ACTN1: variants seen among roughly 807,000 people sequenced by gnomAD.
The protein encoded by ACTN1 is actinin alpha 1, also known as alpha-actinin-1.
In ACTN1, 30 loss-of-function variants were observed where a neutral mutation model predicts 119.6. The observed-to-expected ratio is 0.25, with a 90% CI of 0.19 to 0.34. The LOEUF (loss-of-function observed/expected upper bound fraction) is 0.34, where lower values mean the gene tolerates loss of function less well. Among genes scored for constraint, ACTN1 ranks in the 10% least tolerant of loss-of-function variants. ACTN1 has a pLI of 1.00. For missense variants in ACTN1, 764 were observed against 1,223.4 expected (o/e 0.62, Z 5.60); for synonymous variants, 429 against 472.6 (o/e 0.91, Z 1.20).
intron 1 of ACTN1, among the ~76,000 whole-genome samples, chr14:68,932,849 A>G (rs2035289263): frequency 6.6e-6 from 1 of 152,156 alleles, no homozygotes; most frequent in Non-Finnish European, 1.5e-5. Context: ...TGCTGGTAAC[A>G]TCGCCCAACC....
intron 1 of ACTN1, among the ~76,000 whole-genome samples, chr14:68,965,076 C>G (rs1283769188): frequency 6.6e-6 from 1 of 152,190 alleles, no homozygotes; most frequent in Non-Finnish European, 1.5e-5. Context: ...TGTTCTGGAG[C>G]CCACCTGCAA....
Position 68,910,025 on chromosome 14 carries a change from C to T in ACTN1, c.445G>A (p.Gly149Arg). 6.2e-7 allele frequency: 1 copy of T among 1,613,842 alleles called. No homozygotes were observed. The highest frequency in any genetic ancestry group is 8.5e-7 in the Non-Finnish European group (1 of 1,179,918). The change falls in exon 5 of 22, where the codon GGG becomes AGG. Residue 149 changes from glycine to arginine, a missense_variant. Physicochemically the swap from Gly to Arg is moderately radical, Grantham distance 125 (BLOSUM62 -2). Around this residue, in one of 4 missense-constraint regions of ACTN1, gnomAD observed 54 missense variants for 153.2 expected, o/e 0.35. Transcript: ENST00000394419. ...ISVEETSAKEGLLLWCQRKTA... is the reference protein window; with the variant it reads ...ISVEETSAKERLLLWCQRKTA... Reference sequence around the variant, plus strand: ...TTTCTCTGACACCACAGGAGCAGCCCTTCCTTGGCTGAAGTCTCTATGGGG... The same window carrying T: ...TTTCTCTGACACCACAGGAGCAGCCTTTCCTTGGCTGAAGTCTCTATGGGG...
chr14:68,954,301 T>C (rs1005325125), intron 1 of ACTN1, among the ~76,000 whole-genome samples: 2 of 152,128 alleles, frequency 1.3e-5, no homozygotes, highest in Admixed American at 6.5e-5. Context: ...CCAGTTTTGC[T>C]GTTACACACA....
intron 1 of ACTN1, among the ~76,000 whole-genome samples, chr14:68,940,531 A>T (rs2035729351): frequency 6.6e-6 from 1 of 152,004 alleles, no homozygotes; most frequent in Non-Finnish European, 1.5e-5. Flanking sequence ...AACTAGACTT[A>T]CGGTAGGGGC....
rs1212187699 is a variant in ACTN1 at position 68,879,442 on chromosome 14, C to T, written c.2281-373G>A. On this transcript the variant is annotated intron_variant, in intron 18 of 21. Coordinates refer to ENST00000394419, the MANE Select transcript of ACTN1 (RefSeq NM_001130004.2). This position sits in a 1 kb window ranked among gnomAD's most constrained non-coding sequence, Gnocchi z 4.9. ...TGGGGTGGTGGGCAGCACCCAAGCCCATGCTCCCACGCCTTGGGACCGCCC... is the reference window on the plus strand; with the variant it reads ...TGGGGTGGTGGGCAGCACCCAAGCCTATGCTCCCACGCCTTGGGACCGCCC... Among the ~76,000 whole-genome samples, 1 of 152,128 alleles carries T rather than the reference C, an allele frequency of 6.6e-6. No homozygotes were observed. The highest frequency in any genetic ancestry group is 1.5e-5 in the Non-Finnish European group (1 of 67,998).
intron 7 of ACTN1, 131 bp downstream of exon 7, chr14:68,904,524 C>T (rs1014445953): frequency 1.3e-5 from 9 of 688,598 alleles, no homozygotes; most frequent in African/African-American, 1.8e-5. Context: ...GATCCCCATG[C>T]TCCTCAAATG....
intron 1 of ACTN1, among the ~76,000 whole-genome samples, chr14:68,940,010 C>G (rs1219570828): frequency 3.3e-5 from 5 of 152,208 alleles, no homozygotes; most frequent in African/African-American, 1.2e-4. Context: ...ATGAGGATTA[C>G]TAAATGGGCG....
At chr14:68,900,819 A>G (rs1194945868) in intron 8 of ACTN1, 1 of 152,220 alleles carries the variant, frequency 6.6e-6, no homozygotes, top group Non-Finnish European at 1.5e-5. Context: ...GACGGAAGAG[A>G]TGGGCAAGAG....
chr14:68,918,621 C>T (rs1371371509), intron 3 of ACTN1, among the ~76,000 whole-genome samples: 9 of 151,442 alleles, frequency 5.9e-5, no homozygotes, highest in South Asian at 2.1e-4. Flanking sequence ...TTAGGCCAGG[C>T]GCGGTGGCGC....
chr14:68,946,800 C>G (rs2035961481), intron 1 of ACTN1, among the ~76,000 whole-genome samples: 1 of 152,216 alleles, frequency 6.6e-6, no homozygotes, highest in Admixed American at 6.5e-5. Context: ...GCCCTCACCT[C>G]CTTCCTGTCA....
chr14:68,971,624 T>C (rs968235701), intron 1 of ACTN1, among the ~76,000 whole-genome samples: 1 of 152,174 alleles, frequency 6.6e-6, no homozygotes, highest in Non-Finnish European at 1.5e-5. Flanking sequence ...CCACATATCT[T>C]ACAAGGCTGT....
At position 68,874,384 on chromosome 14, in the gene ACTN1, T is replaced by C. The variant is rs891764886; in HGVS notation, c.*475A>G. On this transcript the variant is annotated 3_prime_UTR_variant, in exon 22 of 22. Transcript: ENST00000394419. ...GGACAAGTGAGCTAGCAAACACACA[T>C]GCACCAATGTGCCTTTTGACAAGAG... is the stretch of plus-strand genomic sequence containing the variant. 1 of 153,102 alleles carries C rather than the reference T, an allele frequency of 6.5e-6. No homozygotes were observed. Among genetic ancestry groups the C allele is most frequent in the Non-Finnish European group, 1.5e-5 (1 of 68,506 alleles). 9.5% of individuals were successfully genotyped at this position (153,102 alleles called of 1,614,324 possible). A position where few individuals can be genotyped will look rare whatever the true frequency, so the allele number is the denominator to read the frequency against.
At chr14:68,891,993 G>C (rs2032525156) in intron 10 of ACTN1, 60 bp downstream of exon 10, 2 of 1,586,450 alleles carry the variant, frequency 1.3e-6, no homozygotes, top group East Asian at 2.2e-5. Context: ...CCACAACTAG[G>C]AGCAGCTCAG....
chr14:68,940,913 C>T (rs1177315771), intron 1 of ACTN1, among the ~76,000 whole-genome samples: 4 of 152,200 alleles, frequency 2.6e-5, no homozygotes, highest in Non-Finnish European at 4.4e-5. Flanking sequence ...CCAGCAGGAG[C>T]TTCTGTCCTG....
At chr14:68,898,900 C>T (rs557739985) in intron 8 of ACTN1, among the ~76,000 whole-genome samples, 2 of 151,706 alleles carry the variant, frequency 1.3e-5, no homozygotes, top group South Asian at 4.2e-4. Flanking sequence ...ATCCCACACA[C>T]TCCACACACC....
At chr14:68,913,832 G>C (rs1046972313) in intron 3 of ACTN1, among the ~76,000 whole-genome samples, 1 of 152,184 alleles carries the variant, frequency 6.6e-6, no homozygotes, top group African/African-American at 2.4e-5. Flanking sequence ...GAGAGAAACA[G>C]AGAGCTGAGC....
At chr14:68,931,255 A>T (rs2035209696) in intron 1 of ACTN1, among the ~76,000 whole-genome samples, 1 of 152,248 alleles carries the variant, frequency 6.6e-6, no homozygotes, top group Non-Finnish European at 1.5e-5. Context: ...GCATTGGCAC[A>T]GAGAGTCTGA....
Position 68,904,687 on chromosome 14 carries a change from T to C in ACTN1, c.644A>G (p.Tyr215Cys). 6.2e-7 allele frequency: 1 copy of C among 1,614,176 alleles called. No individual in the cohort carries two copies. Among genetic ancestry groups the C allele is most frequent in the Non-Finnish European group, 8.5e-7 (1 of 1,180,002 alleles). Residue 215 changes from tyrosine (Y) to cysteine (C), a missense_variant, in exon 7 of 22, where the codon TAC (tyrosine) becomes TGC (cysteine). Transcript: ENST00000394419. The part of the protein sequence containing the change: ...LNTAFDVAEK[Y>C]LDIPKMLDAE... Reference sequence around the variant, plus strand: ...ATCCAGCATCTTGGGGATGTCCAGGTACTTCTCTGCCACGTCAAAAGCCGT... The same window carrying C: ...ATCCAGCATCTTGGGGATGTCCAGGCACTTCTCTGCCACGTCAAAAGCCGT...
chr14:68,885,686 G>A lies in ACTN1; in HGVS notation c.1235-111C>T, dbSNP rs2031943449. 2.7e-5 allele frequency: 35 copies of A among 1,289,108 alleles called. No homozygotes were observed. In the South Asian group the frequency reaches 4.9e-4, roughly 18 times the overall value. The allele number at this position is 1,289,108 out of a possible 1,614,324, so 79.9% of individuals were successfully genotyped here. A position where few individuals can be genotyped will look rare whatever the true frequency, so the allele number is the denominator to read the frequency against. ...CTCCACTTCTGGGGGTGCTTCTCAA[G>A]GAGGTGCCCATTGTGCAGGGATCTG... On this transcript the variant is annotated intron_variant, in intron 11 of 21. Coordinates refer to ENST00000394419, the MANE Select transcript of ACTN1 (RefSeq NM_001130004.2). The surrounding 1 kb of genome is among the most constrained non-coding windows in gnomAD (Gnocchi z 5.6).
Sources: gnomAD v4.1 joint callset for allele counts (sites outside exome capture counted in the v4.1 genomes callset) on GRCh38, gnomAD v4.1.1 for gene constraint, gnomAD v4.1.1 regional missense constraint, Gnocchi (gnomAD v3.1) non-coding constraint, MANE v1.5 for transcripts, NCBI Gene and HGNC (gene_info 2026-07-23, HGNC 2026-07-21) for gene names.